Variants in THSD7B observed in about 807,000 individuals in gnomAD.
The protein encoded by THSD7B is thrombospondin type 1 domain containing 7B, also known as thrombospondin type-1 domain-containing protein 7B.
THSD7B carries 138 observed loss-of-function variants against 213.6 expected under a neutral mutation model. The observed-to-expected ratio is 0.65, with a 90% CI of 0.56 to 0.74. The LOEUF (loss-of-function observed/expected upper bound fraction) is 0.74. THSD7B is among the 30% of genes least tolerant of loss of function. THSD7B has a pLI of 0.00. For missense variants in THSD7B, 1,931 were observed against 1,991.5 expected, an observed-to-expected ratio of 0.97 and a Z score of 0.58; for synonymous variants, 742 against 687.0, an observed-to-expected ratio of 1.08 and a Z score of -1.25.
At chr2:137,599,705 T>C (rs1178514884) in intron 17 of THSD7B, among the ~76,000 whole-genome samples, 1 of 152,212 alleles carries the variant, frequency 6.6e-6, no homozygotes, top group East Asian at 1.9e-4. Flanking sequence ...ATTGCAGCAT[T>C]ATTCTTTCCT....
chr2:137,104,117 A>G (rs1454218746), intron 4 of THSD7B, among the ~76,000 whole-genome samples: 2 of 152,304 alleles, frequency 1.3e-5, no homozygotes, highest in Non-Finnish European at 2.9e-5. Context: ...TCTAAAATTG[A>G]CCATGCCATT....
intron 1 of THSD7B, among the ~76,000 whole-genome samples, chr2:136,828,351 C>T (rs1019400207): frequency 3.3e-5 from 5 of 152,040 alleles, no homozygotes; most frequent in Admixed American, 2.0e-4. Context: ...CACCCATATC[C>T]GTTACATCAG....
At chr2:137,145,096 A>C (rs1375028909) in intron 5 of THSD7B, among the ~76,000 whole-genome samples, 1 of 152,084 alleles carries the variant, frequency 6.6e-6, no homozygotes, top group Non-Finnish European at 1.5e-5. Flanking sequence ...TATTGTTTTG[A>C]GACATAAAGC....
chr2:137,198,030 T>C (rs1005814589), intron 7 of THSD7B, among the ~76,000 whole-genome samples: 1 of 152,162 alleles, frequency 6.6e-6, no homozygotes, highest in Non-Finnish European at 1.5e-5. Flanking sequence ...AGCAAGTACA[T>C]CTTTCATGCC....
rs555967016 is a variant in THSD7B, at chr2:137,256,825, A to T, written c.2266+14253A>T. On this transcript the variant is annotated intron_variant, in intron 10 of 27. Coordinates refer to ENST00000409968, the MANE Select transcript of THSD7B (RefSeq NM_001316349.2). ...TTTCTTGAATAGAAAAGGGGAATTG[A>T]AGTTATCTTAGTCTGTTTTCTGTTA... Among the ~76,000 whole-genome samples, 14 of 152,362 alleles carry T rather than the reference A, an allele frequency of 9.2e-5. No individual in the cohort carries two copies. In the South Asian group the frequency reaches 2.9e-3, roughly 32 times the overall value.
At chr2:137,568,565 A>G (rs539740656) in intron 16 of THSD7B, among the ~76,000 whole-genome samples, 1 of 152,184 alleles carries the variant, frequency 6.6e-6, no homozygotes, top group Non-Finnish European at 1.5e-5. Context: ...ACAGTTCCAC[A>G]TGGCTGGGGA....
intron 7 of THSD7B, among the ~76,000 whole-genome samples, chr2:137,191,917 G>A (rs902606319): frequency 1.3e-5 from 2 of 151,994 alleles, no homozygotes; most frequent in Non-Finnish European, 1.5e-5. Context: ...AAGCCACCTC[G>A]ATTTCTTTAA....
intron 2 of THSD7B, among the ~76,000 whole-genome samples, chr2:136,998,990 A>G (rs138679665): frequency 4.2e-4 from 63 of 151,056 alleles, no homozygotes; most frequent in African/African-American, 1.4e-3. Context: ...AGTCTTAAGC[A>G]TGAGTGAAGA....
intron 15 of THSD7B, among the ~76,000 whole-genome samples, chr2:137,515,893 A>G (rs571232466): frequency 3.3e-5 from 5 of 152,330 alleles, no homozygotes; most frequent in African/African-American, 1.2e-4. Flanking sequence ...GGGAGAGTCC[A>G]GAAGATATAT....
intron 5 of THSD7B, among the ~76,000 whole-genome samples, chr2:137,151,542 C>T (rs1679818349): frequency 6.6e-6 from 1 of 150,540 alleles, no homozygotes; most frequent in East Asian, 1.9e-4. Flanking sequence ...AAAAAAACAG[C>T]AACAAAAAGA....
At chr2:137,393,751 G>A (rs1208730548) in intron 12 of THSD7B, among the ~76,000 whole-genome samples, 2 of 140,888 alleles carry the variant, frequency 1.4e-5, no homozygotes, top group African/African-American at 5.2e-5. Context: ...CGTCCACAAT[G>A]GTTGAACTAG....
intron 7 of THSD7B, among the ~76,000 whole-genome samples, chr2:137,211,331 T>TAC (rs1224147467): frequency 0.032 from 203 of 6,278 alleles, 11 homozygotes; most frequent in East Asian, 0.2. Flanking sequence ...CTATCCTTCC[T>TAC]ACACACACAC....
chr2:137,380,299 G>A (rs1685745385), intron 12 of THSD7B, among the ~76,000 whole-genome samples: 1 of 151,748 alleles, frequency 6.6e-6, no homozygotes, highest in Non-Finnish European at 1.5e-5. Context: ...CACAAATCTA[G>A]TTCCAGCTAC....
intron 1 of THSD7B, among the ~76,000 whole-genome samples, chr2:136,834,518 A>T (rs1431429942): frequency 6.6e-6 from 1 of 152,006 alleles, no homozygotes; most frequent in African/African-American, 2.4e-5. Context: ...AAGGAAAGCC[A>T]TGTAGGTTGA....
intron 15 of THSD7B, among the ~76,000 whole-genome samples, chr2:137,519,251 A>AAATAAATAAATAAAT (rs1553456924): frequency 0.019 from 2,780 of 149,210 alleles, 41 homozygotes; most frequent in Middle Eastern, 0.062. Context: ...ACTCCATCTC[A>AAATAAATAAATAAAT]AAATAAATAA....
intron 2 of THSD7B, among the ~76,000 whole-genome samples, chr2:136,953,430 A>C (rs57783398): frequency 2.6e-5 from 4 of 152,210 alleles, no homozygotes; most frequent in African/African-American, 9.7e-5. Flanking sequence ...TTACTACCCA[A>C]GTAATATGGG....
rs146815812 is a variant in THSD7B at position 137,232,485 on chromosome 2, G to GGT, written c.1916-398_1916-397dup. Among the ~76,000 whole-genome samples the GGT allele has an allele frequency of 1.4e-3, 206 of 151,048 alleles. 1 individual carries two copies. Among genetic ancestry groups the GGT allele is most frequent in the African/African-American group, 3.9e-3 (160 of 41,252 alleles). On this transcript the variant is annotated intron_variant, in intron 8 of 27. Coordinates refer to ENST00000409968, the MANE Select transcript of THSD7B (RefSeq NM_001316349.2). ...CTTAGGAAGACCGTGCTGCATAAGG[G>GGT]GTGTGTGTGTGTGTGTGCTCATTCA...
intron 17 of THSD7B, among the ~76,000 whole-genome samples, chr2:137,588,906 A>T (rs1681803954): frequency 6.6e-6 from 1 of 151,890 alleles, no homozygotes; most frequent in Non-Finnish European, 1.5e-5. Context: ...CAGCCTCCTG[A>T]GTAGGTGGGA....
chr2:137,002,677 T>G (rs1686023913), intron 2 of THSD7B, among the ~76,000 whole-genome samples: 1 of 152,172 alleles, frequency 6.6e-6, no homozygotes, highest in Non-Finnish European at 1.5e-5. Flanking sequence ...TAAATATCAT[T>G]GTCTGTATCA....
Sources: gnomAD v4.1 joint callset for allele counts (sites outside exome capture counted in the v4.1 genomes callset) on GRCh38, gnomAD v4.1.1 for gene constraint, MANE v1.5 for transcripts, NCBI Gene and HGNC (gene_info 2026-07-23, HGNC 2026-07-21) for gene names.